TAFA2: variants seen among roughly 807,000 people sequenced by gnomAD.
TAFA2 encodes TAFA chemokine like family member 2.
TAFA2 carries 7 observed loss-of-function variants against 18.8 expected under a neutral mutation model. The ratio of observed to expected loss-of-function variants is 0.37; its 90% CI spans 0.21 to 0.70. The LOEUF (loss-of-function observed/expected upper bound fraction) is 0.70, where lower values mean the gene tolerates loss of function less well. Among genes scored for constraint, TAFA2 ranks in the 30% least tolerant of loss-of-function variants. TAFA2 has a pLI of 0.53. For synonymous variants in TAFA2, 60 were observed against 54.2 expected, an observed-to-expected ratio of 1.11 and a Z score of -0.47; for missense variants, 122 against 158.1, an observed-to-expected ratio of 0.77 and a Z score of 1.23.
chr12:61,858,442 T>TTTA (rs1166629291), intron 2 of TAFA2, among the ~76,000 whole-genome samples: 2 of 152,084 alleles, frequency 1.3e-5, no homozygotes, highest in African/African-American at 2.4e-5. Flanking sequence ...AAAATTATTT[T>TTTA]TTATTATTAT....
chr12:61,781,777 A>G (rs1044209300), intron 2 of TAFA2, among the ~76,000 whole-genome samples: 3 of 151,772 alleles, frequency 2.0e-5, no homozygotes, highest in African/African-American at 7.2e-5. Context: ...CAAAAAATCA[A>G]GAGATTTTAC....
intron 1 of TAFA2, among the ~76,000 whole-genome samples, chr12:62,074,171 G>A (rs914273168): frequency 5.3e-5 from 8 of 152,128 alleles, no homozygotes; most frequent in Non-Finnish European, 7.4e-5. Context: ...ACACACACAC[G>A]AGAAAGATAA....
chr12:62,088,329 A>G (rs1868544036), intron 1 of TAFA2, among the ~76,000 whole-genome samples: 1 of 152,064 alleles, frequency 6.6e-6, no homozygotes, highest in African/African-American at 2.4e-5. Context: ...AAACAAGGCA[A>G]ATTGAATTAG....
At chr12:62,092,185 T>C (rs1868743375) in intron 1 of TAFA2, among the ~76,000 whole-genome samples, 1 of 151,914 alleles carries the variant, frequency 6.6e-6, no homozygotes. Flanking sequence ...GGGAACCAGC[T>C]CTTCTCCACT....
At chr12:61,806,228 C>G (rs1268624278) in intron 2 of TAFA2, among the ~76,000 whole-genome samples, 1 of 152,132 alleles carries the variant, frequency 6.6e-6, no homozygotes, top group Non-Finnish European at 1.5e-5. Flanking sequence ...TTGTGGGAGG[C>G]ACCCAGTGAA....
intron 1 of TAFA2, among the ~76,000 whole-genome samples, chr12:62,168,015 T>C (rs532513300): frequency 5.3e-5 from 8 of 152,286 alleles, no homozygotes; most frequent in Middle Eastern, 3.4e-3. Context: ...TCATTAGCAA[T>C]CTTTGAAAGA....
At chr12:62,222,757 G>A (rs1179843099) in intron 1 of TAFA2, among the ~76,000 whole-genome samples, 2 of 150,906 alleles carry the variant, frequency 1.3e-5, no homozygotes, top group African/African-American at 2.4e-5. Flanking sequence ...CTCGTGATCC[G>A]CCCGCCTGGG....
chr12:62,091,226 A>G (rs1329170948), intron 1 of TAFA2, among the ~76,000 whole-genome samples: 1 of 151,920 alleles, frequency 6.6e-6, no homozygotes, highest in Non-Finnish European at 1.5e-5. Context: ...TCTTTCTCTA[A>G]GCAACTATAG....
chr12:61,940,096 G>A (rs1877936518), intron 1 of TAFA2, among the ~76,000 whole-genome samples: 6 of 152,176 alleles, frequency 3.9e-5, no homozygotes, highest in Non-Finnish European at 8.8e-5. Context: ...ACAGAGAACA[G>A]AACAGAAAAG....
intron 1 of TAFA2, among the ~76,000 whole-genome samples, chr12:62,051,868 T>G (rs982391808): frequency 2.6e-5 from 4 of 152,068 alleles, no homozygotes; most frequent in African/African-American, 9.7e-5. Context: ...TCAGCAAATG[T>G]TTTCTAAAAT....
chr12:62,145,665 G>A (rs1055505433), intron 1 of TAFA2: 6 of 152,224 alleles, frequency 3.9e-5, no homozygotes, highest in African/African-American at 1.4e-4. Flanking sequence ...AGAGAGAAGG[G>A]TCTTTTATTA....
intron 1 of TAFA2, among the ~76,000 whole-genome samples, chr12:62,216,702 A>G (rs1053736001): frequency 6.6e-6 from 1 of 152,216 alleles, no homozygotes; most frequent in Non-Finnish European, 1.5e-5. Context: ...AAGATCAGAA[A>G]TGGTTTGAAT....
chr12:62,156,214 T>C (rs1282630779), intron 1 of TAFA2, among the ~76,000 whole-genome samples: 1 of 152,128 alleles, frequency 6.6e-6, no homozygotes, highest in East Asian at 1.9e-4. Context: ...TCACTAATGA[T>C]TAGGGAAATG....
chr12:61,854,828 A>G (rs1302023703), intron 2 of TAFA2, among the ~76,000 whole-genome samples: 1 of 152,188 alleles, frequency 6.6e-6, no homozygotes, highest in African/African-American at 2.4e-5. Flanking sequence ...TTTTTCCTCA[A>G]GAAACAGCTA....
At chr12:62,156,263 A>C (rs1228593475) in intron 1 of TAFA2, among the ~76,000 whole-genome samples, 1 of 152,242 alleles carries the variant, frequency 6.6e-6, no homozygotes, top group Non-Finnish European at 1.5e-5. Context: ...TTACTCCTGC[A>C]AGAACGTCCA....
intron 1 of TAFA2, among the ~76,000 whole-genome samples, chr12:61,869,238 C>T (rs1488545963): frequency 6.6e-5 from 10 of 152,084 alleles, no homozygotes; most frequent in Admixed American, 6.5e-4. Context: ...AACCAGGCTT[C>T]CTGCTGACTA....
At chr12:61,928,418 C>T in intron 1 of TAFA2, among the ~76,000 whole-genome samples, 1 of 149,300 alleles carries the variant, frequency 6.7e-6, no homozygotes. Context: ...TGATAAAGAG[C>T]TCATCATCAG....
intron 2 of TAFA2, among the ~76,000 whole-genome samples, chr12:61,790,978 G>A (rs1033912323): frequency 1.3e-5 from 2 of 151,724 alleles, no homozygotes; most frequent in Non-Finnish European, 2.9e-5. Context: ...CACGATAGTA[G>A]CCAAAATAGG....
intron 1 of TAFA2, among the ~76,000 whole-genome samples, chr12:62,208,421 C>T (rs1482383295): frequency 6.6e-6 from 1 of 151,958 alleles, no homozygotes; most frequent in Non-Finnish European, 1.5e-5. Context: ...GTCTTTTAGA[C>T]ATTTTAGTTC....
Sources: allele counts gnomAD v4.1 joint callset (sites outside exome capture counted in the v4.1 genomes callset), GRCh38; gene constraint gnomAD v4.1.1; transcripts MANE v1.5; gene names NCBI Gene and HGNC (gene_info 2026-07-23, HGNC 2026-07-21).